TUBGCP3: variants seen among roughly 807,000 people sequenced by gnomAD.
TUBGCP3 encodes gamma-tubulin complex component 3.
Under a neutral mutation model 123.1 loss-of-function variants are expected in TUBGCP3, and 50 were observed. The ratio of observed to expected loss-of-function variants is 0.41; its 90% confidence interval spans 0.32 to 0.51. TUBGCP3 has a LOEUF of 0.51. TUBGCP3 is among the 20% of genes least tolerant of loss of function. The probability of loss-of-function intolerance (pLI) is 0.36; values close to 1 mark genes in which losing one functional copy is unlikely to be tolerated. For missense variants in TUBGCP3, 882 were observed against 1,127.0 expected (o/e 0.78, Z 3.11); for synonymous variants, 405 against 413.9 (o/e 0.98, Z 0.26).
At chr13:112,505,756 A>G (rs1881253685) in intron 17 of TUBGCP3, among the ~76,000 whole-genome samples, 1 of 152,246 alleles carries the variant, frequency 6.6e-6, no homozygotes, top group Non-Finnish European at 1.5e-5. Flanking sequence ...TACAAGCATG[A>G]AATACATATG....
intron 20 of TUBGCP3, among the ~76,000 whole-genome samples, chr13:112,497,204 C>T (rs550981364): frequency 2.6e-5 from 4 of 152,166 alleles, no homozygotes; most frequent in Admixed American, 6.5e-5. Context: ...AATAAGGAAA[C>T]GACATCTTGG....
chr13:112,533,117 C>A (rs1360301604), intron 11 of TUBGCP3, among the ~76,000 whole-genome samples: 1 of 152,208 alleles, frequency 6.6e-6, no homozygotes, highest in Admixed American at 6.5e-5. Flanking sequence ...AGCCTTCACA[C>A]GTGGAATGAG....
intron 1 of TUBGCP3, among the ~76,000 whole-genome samples, chr13:112,584,762 T>C (rs1211051429): frequency 6.6e-6 from 1 of 152,234 alleles, no homozygotes; most frequent in Non-Finnish European, 1.5e-5. Context: ...ACAAAGTAGC[T>C]ATGAAAAGAA....
intron 5 of TUBGCP3, 76 bp from the exon 6 acceptor site, chr13:112,556,300 T>C: frequency 7.1e-7 from 1 of 1,398,674 alleles, no homozygotes; most frequent in Non-Finnish European, 9.9e-7. Flanking sequence ...AAATTTCTCT[T>C]GTATTACTAT....
chr13:112,521,849 G>C, intron 14 of TUBGCP3: 2 of 985,412 alleles, frequency 2.0e-6, no homozygotes, highest in Non-Finnish European at 2.4e-6. Context: ...TTGTGGAGAA[G>C]GACATACATT....
Position 112,489,687 on chromosome 13 carries a change from C to T in TUBGCP3, c.2459G>A (p.Gly820Glu). The change falls in exon 21 of 22, where the codon GGA becomes GAA. Residue 820 changes from glycine to glutamate, a missense_variant. Gly to Glu is a moderately conservative substitution (Grantham distance 98, BLOSUM62 -2). Coordinates refer to ENST00000261965, the MANE Select transcript of TUBGCP3 (RefSeq NM_006322.6). ...CTCCTCTTCCTCTGCTGCCGTCACT[C>T]CCCACTGGCCCTGAACAATCAAAAG... ...KKQREIEGQW[G>E]VTAAEEEEEN... The T allele has an allele frequency of 2.5e-6, 4 of 1,613,538 alleles. No individual in the cohort carries two copies. The highest frequency in any genetic ancestry group is 3.4e-6 in the Non-Finnish European group (4 of 1,179,422).
upstream of TUBGCP3, among the ~76,000 whole-genome samples, chr13:112,592,382 C>T (rs1253906599): frequency 6.6e-6 from 1 of 152,176 alleles, no homozygotes; most frequent in Non-Finnish European, 1.5e-5. This position sits in a 1 kb window ranked among gnomAD's most constrained non-coding sequence, Gnocchi z 4.1. Context: ...AACGCAGGTT[C>T]CACCAGGCAG....
chr13:112,486,553 G>A (rs1267438277), intron 21 of TUBGCP3, among the ~76,000 whole-genome samples: 1 of 152,188 alleles, frequency 6.6e-6, no homozygotes, highest in East Asian at 1.9e-4. Flanking sequence ...CATGAAAGAG[G>A]ATTTCATCCT....
chr13:112,542,674 G>A (rs751895060), intron 11 of TUBGCP3, among the ~76,000 whole-genome samples: 1 of 152,118 alleles, frequency 6.6e-6, no homozygotes, highest in Non-Finnish European at 1.5e-5. Context: ...TAAGAATTGA[G>A]CTACCTACAG....
chr13:112,504,005 T>C (rs751603637), intron 19 of TUBGCP3, 27 bp downstream of exon 19: 4 of 1,567,388 alleles, frequency 2.6e-6, no homozygotes, highest in Non-Finnish European at 3.5e-6. Flanking sequence ...TTTTGGTTTC[T>C]TGTTTCTAAG....
intron 19 of TUBGCP3, among the ~76,000 whole-genome samples, chr13:112,502,110 C>G (rs1880946695): frequency 6.6e-6 from 1 of 152,204 alleles, no homozygotes; most frequent in Non-Finnish European, 1.5e-5. Context: ...AACACACACA[C>G]CGGCACAAAA....
chr13:112,524,816 AAC>A lies in TUBGCP3; in HGVS notation c.1555+2124_1555+2125del, dbSNP rs1220535872. On this transcript the variant is annotated intron_variant, in intron 13 of 21. Coordinates refer to ENST00000261965, the MANE Select transcript of TUBGCP3 (RefSeq NM_006322.6). The surrounding 1 kb of genome is among the most constrained non-coding windows in gnomAD (Gnocchi z 4.4). ...ATCTCTATATTCGGCCCTGACTTTT[AAC>A]CAGAGTTTCAGTATAGCATTTCCAA... is the stretch of plus-strand genomic sequence containing the variant. 6.6e-6 allele frequency among the ~76,000 whole-genome samples: 1 copy of A among 152,178 alleles called. No homozygotes were observed. Among genetic ancestry groups the A allele is most frequent in the African/African-American group, 2.4e-5 (1 of 41,440 alleles).
chr13:112,489,832 A>G (rs1879954974), intron 20 of TUBGCP3, 135 bp from the exon 21 acceptor site: 2 of 655,448 alleles, frequency 3.1e-6, no homozygotes, highest in Non-Finnish European at 5.3e-6. Context: ...ACACTTTCAC[A>G]ATAATTTTCT....
At chr13:112,555,647 A>G (rs2139215954) in intron 6 of TUBGCP3, among the ~76,000 whole-genome samples, 1 of 152,312 alleles carries the variant, frequency 6.6e-6, no homozygotes, top group East Asian at 1.9e-4. Flanking sequence ...CCATAAATGA[A>G]AAGACATAGC....
intron 17 of TUBGCP3, among the ~76,000 whole-genome samples, chr13:112,516,034 A>G (rs1181554413): frequency 6.6e-6 from 1 of 152,260 alleles, no homozygotes; most frequent in Non-Finnish European, 1.5e-5. Context: ...TAAGTCATTC[A>G]ATGTTTATAA....
chr13:112,544,235 C>A (rs930957285), intron 11 of TUBGCP3, among the ~76,000 whole-genome samples: 1 of 152,022 alleles, frequency 6.6e-6, no homozygotes, highest in Non-Finnish European at 1.5e-5. Flanking sequence ...GGGCAGATCA[C>A]AAGGTCAGGA....
chr13:112,530,917 T>C (rs1877520548), intron 11 of TUBGCP3, among the ~76,000 whole-genome samples: 1 of 152,230 alleles, frequency 6.6e-6, no homozygotes, highest in Admixed American at 6.5e-5. Flanking sequence ...ATCAACATTG[T>C]TTAAACTGCA....
intron 21 of TUBGCP3, among the ~76,000 whole-genome samples, chr13:112,486,683 G>A (rs1879693775): frequency 6.6e-6 from 1 of 152,212 alleles, no homozygotes; most frequent in Non-Finnish European, 1.5e-5. Flanking sequence ...CTGTTACTGA[G>A]GGCGTTTTTA....
intron 11 of TUBGCP3, among the ~76,000 whole-genome samples, chr13:112,530,560 C>T (rs912654389): frequency 6.6e-6 from 1 of 152,204 alleles, no homozygotes; most frequent in African/African-American, 2.4e-5. Context: ...GTGCGGGAGG[C>T]CCGCTTTCTC....
Sources: gnomAD v4.1 joint callset for allele counts (sites outside exome capture counted in the v4.1 genomes callset) on GRCh38, gnomAD v4.1.1 for gene constraint, Gnocchi (gnomAD v3.1) non-coding constraint, MANE v1.5 for transcripts, NCBI Gene and HGNC (gene_info 2026-07-23, HGNC 2026-07-21) for gene names.